MROH2B: variants seen among roughly 807,000 people sequenced by gnomAD.
MROH2B encodes the protein maestro heat-like repeat-containing protein family member 2B.
Under a neutral mutation model 208.6 loss-of-function variants are expected in MROH2B, and 177 were observed. That is an observed-to-expected ratio of 0.85 (90% CI 0.75 to 0.96). The LOEUF is 0.96. Among genes scored for constraint, MROH2B ranks in the 40% least tolerant of loss-of-function variants. The pLI, the probability that MROH2B is intolerant of heterozygous loss-of-function variation, is 0.00. For synonymous variants in MROH2B, 728 were observed against 659.0 expected (o/e 1.10, Z -1.60); for missense variants, 2,002 against 1,878.7 (o/e 1.07, Z -1.21).
chr5:41,051,169 A>T, intron 12 of MROH2B, 79 bp from the exon 13 acceptor site: 1 of 826,966 alleles, frequency 1.2e-6, no homozygotes, highest in Non-Finnish European at 1.8e-6. Context: ...GTGTGTTCTT[A>T]GACTCTGGAG....
chr5:41,005,419 C>CCA (rs1561274028), intron 35 of MROH2B, 112 bp downstream of exon 35: 22 of 198,656 alleles, frequency 1.1e-4, no homozygotes, highest in Non-Finnish European at 1.0e-4. Flanking sequence ...TGAAACCCCC[C>CCA]CCCCCCTTGA....
rs1199753328 is a variant in MROH2B, at chr5:41,017,959, GT to G, written c.2774del (p.Asn925ThrfsTer36). 3.8e-6 allele frequency: 6 copies of G among 1,574,160 alleles called. No individual in the cohort carries two copies. In the Admixed American group the frequency reaches 5.6e-5, roughly 15 times the overall value. ...VLTNDIEAPE[N>X]FKIGSLLGLL... ...GTCCAAGCAGTGAACCAATTTTAAA[GT>G]TCTCTGGTGCCTGCAGGATAAAGGA... On this transcript the variant is annotated frameshift_variant, in exon 28 of 42. Coordinates refer to ENST00000399564, the MANE Select transcript of MROH2B (RefSeq NM_173489.5). LOFTEE classifies it high-confidence loss of function.
At position 41,000,785 on chromosome 5, in the gene MROH2B, C is replaced by G; in HGVS notation, c.4243G>C (p.Ala1415Pro). The G allele has an allele frequency of 6.2e-7, 1 of 1,611,580 alleles. No individual in the cohort carries two copies. The highest frequency in any genetic ancestry group is 8.5e-7 in the Non-Finnish European group (1 of 1,178,948). ...TTCCACCTTCTTCCTGTTAGGGGTG[C>G]CAGGTCCTCAAATAAGAAGATGGCA... ...LTAIFLFEDLAPLTGRRWKIF... is the reference protein window; with the variant it reads ...LTAIFLFEDLPPLTGRRWKIF... The change falls in exon 38 of 42, where the codon GCA (alanine) becomes CCA (proline). Residue 1415 changes from alanine to proline, a missense_variant. Ala to Pro is a conservative substitution (Grantham distance 27, BLOSUM62 -1). Transcript: ENST00000399564.
chr5:41,024,611 C>T (rs1742283322), intron 24 of MROH2B, among the ~76,000 whole-genome samples: 2 of 152,152 alleles, frequency 1.3e-5, no homozygotes, highest in South Asian at 4.1e-4. Context: ...CCACTGTCAA[C>T]ATTAGACAGA....
At chr5:41,032,914 G>C (rs752794171) in intron 23 of MROH2B, 93 bp from the exon 24 acceptor site, 41 of 1,544,946 alleles carry the variant, frequency 2.7e-5, no homozygotes, top group Non-Finnish European at 3.5e-5. Flanking sequence ...GGGTGCCCTG[G>C]GTCATAAACA....
chr5:41,071,066 A>G lies in MROH2B; in HGVS notation c.-214T>C. 1.9e-6 allele frequency: 1 copy of G among 530,450 alleles called. No homozygotes were observed. Among genetic ancestry groups the G allele is most frequent in the Non-Finnish European group, 3.4e-6 (1 of 298,026 alleles). 32.9% of individuals were successfully genotyped at this position (530,450 alleles called of 1,614,324 possible). A position where few individuals can be genotyped will look rare whatever the true frequency, so the allele number is the denominator to read the frequency against. ...GTTGATACTGTATTCTACCACTATG[A>G]CATTGTCTTGCGTCTGAACTCCTGC... On this transcript the variant is annotated 5_prime_UTR_variant, in exon 1 of 42. Coordinates refer to ENST00000399564, the MANE Select transcript of MROH2B (RefSeq NM_173489.5).
At chr5:41,030,408 T>C (rs997785231) in intron 24 of MROH2B, among the ~76,000 whole-genome samples, 2 of 151,806 alleles carry the variant, frequency 1.3e-5, no homozygotes, top group East Asian at 1.9e-4. Context: ...AGAAATATAC[T>C]TAACCAAGGA....
In MROH2B at chr5:41,065,497, A is replaced by G; in HGVS notation, c.202-7T>C. 6.2e-7 allele frequency: 1 copy of G among 1,611,216 alleles called. No individual in the cohort carries two copies. The highest frequency in any genetic ancestry group is 8.5e-7 in the Non-Finnish European group (1 of 1,178,862). On this transcript the variant is annotated splice_polypyrimidine_tract_variant and splice_region_variant and intron_variant, in intron 3 of 41. Transcript: ENST00000399564. ...TTCTGATTTCTCTGAGCATCTGAGG[A>G]GGAAAAGAAAAATAACAATAACAAC...
At position 41,004,327 on chromosome 5, in the gene MROH2B, C is replaced by T. The variant is rs780521003; in HGVS notation, c.4194+19G>A. 1 of 1,608,022 alleles carries T rather than the reference C, an allele frequency of 6.2e-7. No individual in the cohort carries two copies. The highest frequency in any genetic ancestry group is 1.3e-5 in the African/African-American group (1 of 74,472). On this transcript the variant is annotated intron_variant, in intron 37 of 41. Coordinates refer to ENST00000399564, the MANE Select transcript of MROH2B (RefSeq NM_173489.5). Reference sequence around the variant, plus strand: ...TCACTCACTTCTGGGGAGGGAAGTTCCTAAACAGGCTCACTTACATCTTCA... The same window carrying T: ...TCACTCACTTCTGGGGAGGGAAGTTTCTAAACAGGCTCACTTACATCTTCA...
rs1263991768 is a variant in MROH2B, at chr5:41,061,649, G to A, written c.536C>T (p.Ala179Val). ...WRDFPYPRLD[A>V]NRLSDKIFML... is the part of the protein sequence containing the mutation. ...GAAGATCTTGTCAGACAGTCGGTTG[G>A]CATCCAGTCTGGGGTAGGGAAAATC... The change falls in exon 6 of 42, where the codon GCC becomes GTC. Residue 179 changes from alanine to valine, a missense_variant. Transcript: ENST00000399564. 1 of 1,613,914 alleles carries A rather than the reference G, an allele frequency of 6.2e-7. No homozygotes were observed. The highest frequency in any genetic ancestry group is 2.2e-5 in the East Asian group (1 of 44,890).
chr5:41,029,545 A>ATT (rs1742495222), intron 24 of MROH2B, among the ~76,000 whole-genome samples: 1 of 152,150 alleles, frequency 6.6e-6, no homozygotes, highest in South Asian at 2.1e-4. Flanking sequence ...TTTACAAAAA[A>ATT]TGTTGTTGGA....
intron 36 of MROH2B, 45 bp from the exon 37 acceptor site, chr5:41,004,573 G>A (rs749615484): frequency 3.8e-6 from 6 of 1,574,358 alleles, no homozygotes; most frequent in Admixed American, 1.9e-5. Flanking sequence ...TGTTCTATGC[G>A]TATCTGGAAG....
intron 18 of MROH2B, 116 bp downstream of exon 18, chr5:41,045,630 T>TA (rs1743091163): frequency 2.4e-6 from 1 of 421,202 alleles, no homozygotes; most frequent in Non-Finnish European, 3.8e-6. Context: ...AGGGAACTCT[T>TA]TTTTTTTTTA....
rs758658035 is a variant in MROH2B, at chr5:41,045,811, T to C, written c.1771A>G (p.Thr591Ala). The change falls in exon 18 of 42, where the codon ACC becomes GCC. Residue 591 changes from threonine to alanine, a missense_variant. Thr to Ala is a moderately conservative substitution (Grantham distance 58, BLOSUM62 0). Transcript: ENST00000399564. The stretch of plus-strand genomic sequence containing the variant: ...TTGAAATCCTGAGTCAGCTGAATGG[T>C]CCAGGCCACATCACTGATCTTCCAT... ...SLWKISDVAW[T>A]IQLTQDFKQQ... 1.9e-5 allele frequency: 30 copies of C among 1,613,378 alleles called. No homozygotes were observed. The highest frequency in any genetic ancestry group is 2.5e-5 in the Non-Finnish European group (29 of 1,179,552).
chr5:41,055,507 T>A (rs1295946253), intron 10 of MROH2B, among the ~76,000 whole-genome samples: 2 of 115,460 alleles, frequency 1.7e-5, no homozygotes, highest in East Asian at 6.0e-4. Context: ...TTCTCAAAAA[T>A]TCTACTCATT....
chr5:41,012,118 A>G (rs1236362434), intron 30 of MROH2B, among the ~76,000 whole-genome samples: 1 of 152,192 alleles, frequency 6.6e-6, no homozygotes, highest in African/African-American at 2.4e-5. Flanking sequence ...TGGGAAGAAG[A>G]ATTGAGGACT....
At chr5:41,009,447 C>T (rs1485129332) in intron 31 of MROH2B, 41 bp from the exon 32 acceptor site, 7 of 1,602,258 alleles carry the variant, frequency 4.4e-6, no homozygotes, top group South Asian at 1.1e-5. Context: ...AAGGCACAAC[C>T]CCTCGGGCTG....
chr5:41,049,155 G>A lies in MROH2B; in HGVS notation c.1502-14C>T. On this transcript the variant is annotated splice_polypyrimidine_tract_variant and intron_variant, in intron 14 of 41. Coordinates refer to ENST00000399564, the MANE Select transcript of MROH2B (RefSeq NM_173489.5). The stretch of plus-strand genomic sequence containing the variant: ...AAGGAAGTTTCACTAGAAAGAGAAA[G>A]CAATTTTCATCATCACTGCAGGGGT... 1.2e-6 allele frequency: 2 copies of A among 1,601,820 alleles called. No homozygotes were observed. The highest frequency in any genetic ancestry group is 2.2e-5 in the South Asian group (2 of 88,996).
At chr5:41,005,141 A>C (rs925477571) in intron 35 of MROH2B, 1 of 575,112 alleles carries the variant, frequency 1.7e-6, no homozygotes, top group African/African-American at 1.9e-5. Flanking sequence ...GGTTACCTGC[A>C]TAACAGATGT....
Sources: allele counts gnomAD v4.1 joint callset (sites outside exome capture counted in the v4.1 genomes callset), GRCh38; gene constraint gnomAD v4.1.1; transcripts MANE v1.5; gene names NCBI Gene and HGNC (gene_info 2026-07-23, HGNC 2026-07-21).